Variants in FAM81B observed in about 807,000 individuals in gnomAD.
The protein encoded by FAM81B is protein FAM81B.
Under a neutral mutation model 58.7 loss-of-function variants are expected in FAM81B, and 60 were observed. The observed-to-expected ratio is 1.02, with a 90% CI of 0.83 to 1.27. The LOEUF (loss-of-function observed/expected upper bound fraction) is 1.27, where lower values mean the gene tolerates loss of function less well. Among genes scored for constraint, FAM81B ranks in the 50% most tolerant of loss-of-function variants. The pLI is 0.00. For synonymous variants in FAM81B, 189 were observed against 179.6 expected (o/e 1.05, Z -0.42); for missense variants, 491 against 522.0 (o/e 0.94, Z 0.58).
chr5:95,448,693 ATTT>A (rs56864403), intron 9 of FAM81B: 2,925 of 387,362 alleles, frequency 7.6e-3, no homozygotes, highest in East Asian at 0.01. Context: ...ATTGGTGTGA[ATTT>A]TTTTTTTTTT....
intron 8 of FAM81B, among the ~76,000 whole-genome samples, chr5:95,447,660 C>A (rs1239537867): frequency 6.6e-6 from 1 of 152,176 alleles, no homozygotes; most frequent in African/African-American, 2.4e-5. Flanking sequence ...GAGAGGAGAA[C>A]CAAAAGGGTC....
Position 95,414,030 on chromosome 5 carries a change from C to T in FAM81B, c.377C>T (p.Ala126Val), listed in dbSNP as rs1460706544. 15 of 1,613,958 alleles carry T rather than the reference C, an allele frequency of 9.3e-6. No homozygotes were observed. Among genetic ancestry groups the T allele is most frequent in the Non-Finnish European group, 1.3e-5 (15 of 1,180,012 alleles). ...CTGAACAACCAGGCGCGTACCATAGCTTTCCTTCTTGAACAAGCCTTCCGC... is the reference window on the plus strand; with the variant it reads ...CTGAACAACCAGGCGCGTACCATAGTTTTCCTTCTTGAACAAGCCTTCCGC... Reference protein sequence around the residue: ...DRLNNQARTIAFLLEQAFRIK... With the variant: ...DRLNNQARTIVFLLEQAFRIK... Residue 126 changes from alanine to valine, a missense_variant, in exon 4 of 10, where the codon GCT becomes GTT. By Grantham distance (64) the Ala-to-Val change is moderately conservative. Coordinates refer to ENST00000283357, the MANE Select transcript of FAM81B (RefSeq NM_152548.3).
chr5:95,428,216 G>C (rs1762901028), intron 5 of FAM81B, among the ~76,000 whole-genome samples: 1 of 152,160 alleles, frequency 6.6e-6, no homozygotes, highest in African/African-American at 2.4e-5. Flanking sequence ...TTTAGAACAT[G>C]ATATATAAGA....
intron 3 of FAM81B, among the ~76,000 whole-genome samples, chr5:95,405,363 T>C (rs2152761779): frequency 6.6e-6 from 1 of 152,370 alleles, no homozygotes; most frequent in South Asian, 2.1e-4. Context: ...CTCAGTCTGG[T>C]CTTCTAAATC....
intron 2 of FAM81B, among the ~76,000 whole-genome samples, chr5:95,395,063 A>G (rs1421321913): frequency 6.6e-6 from 1 of 152,190 alleles, no homozygotes; most frequent in Non-Finnish European, 1.5e-5. Flanking sequence ...CATATTCTCC[A>G]TATTGAATCC....
chr5:95,432,776 TC>T (rs1458648829), intron 6 of FAM81B, among the ~76,000 whole-genome samples: 8 of 152,094 alleles, frequency 5.3e-5, no homozygotes, highest in Non-Finnish European at 7.4e-5. Context: ...TTTCTTTTTT[TC>T]CCCCTTGATT....
intron 7 of FAM81B, among the ~76,000 whole-genome samples, chr5:95,439,764 A>T (rs1326584047): frequency 6.6e-6 from 1 of 152,236 alleles, no homozygotes; most frequent in Non-Finnish European, 1.5e-5. Flanking sequence ...ACATTTAAAA[A>T]TGAAGTAGAT....
rs557244290 is a variant in FAM81B at position 95,423,969 on chromosome 5, G to A, written c.656+3567G>A. On this transcript the variant is annotated intron_variant, in intron 5 of 9. Coordinates refer to ENST00000283357, the MANE Select transcript of FAM81B (RefSeq NM_152548.3). Reference sequence around the variant, plus strand: ...CGGAGAAAGACAACATGTCCCCTTAGAGATTCAGGTCAGCAACACCAAACA... The same window carrying A: ...CGGAGAAAGACAACATGTCCCCTTAAAGATTCAGGTCAGCAACACCAAACA... 7 of 1,269,544 alleles carry A rather than the reference G, an allele frequency of 5.5e-6. No individual in the cohort carries two copies. In the East Asian group the frequency reaches 1.7e-4, roughly 30 times the overall value. 78.6% of individuals were successfully genotyped at this position (1,269,544 alleles called of 1,614,324 possible).
intron 3 of FAM81B, among the ~76,000 whole-genome samples, chr5:95,402,752 T>C (rs1449189236): frequency 6.6e-6 from 1 of 152,208 alleles, no homozygotes; most frequent in African/African-American, 2.4e-5. Context: ...CAATAGCACC[T>C]CACCCGCAAG....
chr5:95,439,235 A>AGT (rs1157376556), intron 7 of FAM81B, among the ~76,000 whole-genome samples: 2 of 44,258 alleles, frequency 4.5e-5, no homozygotes, highest in Non-Finnish European at 9.0e-5. Flanking sequence ...TAGGTTAAAG[A>AGT]GTATATATAT....
In FAM81B at chr5:95,405,500, T is replaced by G. The variant is rs537567819; in HGVS notation, c.294-8447T>G. Among the ~76,000 whole-genome samples the G allele has an allele frequency of 8.5e-5, 13 of 152,374 alleles. No homozygotes were observed. The East Asian group carries it at 2.5e-3, about 29-fold the overall frequency. ...CGTTTTCTAGTTTTTCTTATTTTAC[T>G]AATATCTTCTGTTGTCTTCTCTCTT... On this transcript the variant is annotated intron_variant, in intron 3 of 9. Coordinates refer to ENST00000283357, the MANE Select transcript of FAM81B (RefSeq NM_152548.3).
At chr5:95,395,396 T>C (rs1182426992) in intron 2 of FAM81B, among the ~76,000 whole-genome samples, 3 of 148,622 alleles carry the variant, frequency 2.0e-5, no homozygotes, top group African/African-American at 5.0e-5. Flanking sequence ...TGAGTGGAGA[T>C]TGCGCCACTG....
intron 3 of FAM81B, 69 bp from the exon 4 acceptor site, chr5:95,413,878 T>A: frequency 6.5e-7 from 1 of 1,531,910 alleles, no homozygotes; most frequent in Non-Finnish European, 8.7e-7. Flanking sequence ...AGGATTCTAG[T>A]TCTGGTTCCT....
intron 3 of FAM81B, among the ~76,000 whole-genome samples, chr5:95,404,787 A>T (rs1762202671): frequency 3.3e-5 from 5 of 152,200 alleles, no homozygotes; most frequent in Admixed American, 3.3e-4. Context: ...GGGAGCTCTC[A>T]TTCTAGTGAT....
chr5:95,391,530 C>A lies in FAM81B; in HGVS notation c.124+17C>A, dbSNP rs779314255. 1 of 1,591,428 alleles carries A rather than the reference C, an allele frequency of 6.3e-7. No homozygotes were observed. The highest frequency in any genetic ancestry group is 1.4e-5 in the African/African-American group (1 of 73,656). On this transcript the variant is annotated intron_variant, in intron 1 of 9. Transcript: ENST00000283357. ...TGAGTTCAGGTACTTATGGACTATT[C>A]GAGGTCTCTAAATTTCTCCTACTTC...
At chr5:95,426,688 T>C (rs1762839795) in intron 5 of FAM81B, among the ~76,000 whole-genome samples, 1 of 152,172 alleles carries the variant, frequency 6.6e-6, no homozygotes, top group African/African-American at 2.4e-5. Context: ...TACAACTGTA[T>C]GCAGTGACCA....
chr5:95,422,360 AAAG>A (rs1157275457), intron 5 of FAM81B, among the ~76,000 whole-genome samples: 1 of 151,610 alleles, frequency 6.6e-6, no homozygotes, highest in Non-Finnish European at 1.5e-5. Context: ...TATCAATACC[AAAG>A]AAGTTTTATA....
At chr5:95,402,209 C>G (rs1334341251) in intron 3 of FAM81B, among the ~76,000 whole-genome samples, 1 of 152,176 alleles carries the variant, frequency 6.6e-6, no homozygotes, top group East Asian at 1.9e-4. Context: ...AGGAATCTCT[C>G]TTAGAAAATT....
At chr5:95,415,116 T>A (rs544504206) in intron 4 of FAM81B, among the ~76,000 whole-genome samples, 1 of 152,316 alleles carries the variant, frequency 6.6e-6, no homozygotes, top group South Asian at 2.1e-4. Context: ...AAATTCTTTG[T>A]CTAAATCAAG....
Sources: gnomAD v4.1 joint callset for allele counts (sites outside exome capture counted in the v4.1 genomes callset) on GRCh38, gnomAD v4.1.1 for gene constraint, MANE v1.5 for transcripts, NCBI Gene and HGNC (gene_info 2026-07-23, HGNC 2026-07-21) for gene names.